GART: variants seen among roughly 807,000 people sequenced by gnomAD.
The protein encoded by GART is phosphoribosylglycinamide formyltransferase, phosphoribosylglycinamide synthetase, phosphoribosylaminoimidazole synthetase, also known as trifunctional purine biosynthetic protein adenosine-3.
GART carries 43 observed loss-of-function variants against 107.2 expected under a neutral mutation model. The ratio of observed to expected loss-of-function variants is 0.40; its 90% CI spans 0.31 to 0.52. The LOEUF (loss-of-function observed/expected upper bound fraction) is 0.52. GART is among the 20% of genes least tolerant of loss of function. The pLI, the probability that GART is intolerant of heterozygous loss-of-function variation, is 0.52. For missense variants in GART, 1,107 were observed against 1,206.5 expected, an observed-to-expected ratio of 0.92 and a Z score of 1.22; for synonymous variants, 434 against 427.0, an observed-to-expected ratio of 1.02 and a Z score of -0.20.
At chr21:33,508,353 G>A (rs562945689) in intron 18 of GART, among the ~76,000 whole-genome samples, 13 of 152,014 alleles carry the variant, frequency 8.6e-5, no homozygotes, top group Non-Finnish European at 1.5e-4. Flanking sequence ...TTTAGATTCG[G>A]GGGTACACAC....
intron 20 of GART, among the ~76,000 whole-genome samples, chr21:33,505,163 G>A (rs2084656801): frequency 6.6e-6 from 1 of 152,198 alleles, no homozygotes; most frequent in Non-Finnish European, 1.5e-5. Flanking sequence ...TGCTTCCTAA[G>A]AGAGGATGGA....
At chr21:33,521,150 G>C in intron 12 of GART, 135 bp from the exon 13 acceptor site, 1 of 644,076 alleles carries the variant, frequency 1.6e-6, no homozygotes, top group Non-Finnish European at 2.7e-6. Context: ...TAGATGATTG[G>C]AACAGCTGTT....
At chr21:33,506,529 T>A (rs771161986) in intron 18 of GART, among the ~76,000 whole-genome samples, 1 of 152,156 alleles carries the variant, frequency 6.6e-6, no homozygotes, top group Non-Finnish European at 1.5e-5. Context: ...ACTGGTGATA[T>A]GTGAGGCTTC....
At chr21:33,516,333 G>T (rs1237865435) in intron 16 of GART, among the ~76,000 whole-genome samples, 1 of 151,442 alleles carries the variant, frequency 6.6e-6, no homozygotes, top group Non-Finnish European at 1.5e-5. Flanking sequence ...CACTACTTTG[G>T]ACTGTTCTTT....
chr21:33,530,755 G>A lies in GART; in HGVS notation c.723+4C>T, dbSNP rs771884204. The A allele has an allele frequency of 1.3e-5, 19 of 1,455,278 alleles. No homozygotes were observed. The highest frequency in any genetic ancestry group is 1.6e-5 in the Non-Finnish European group (18 of 1,104,168). 90.1% of individuals were successfully genotyped at this position (1,455,278 alleles called of 1,614,324 possible). A position where few individuals can be genotyped will look rare whatever the true frequency, so the allele number is the denominator to read the frequency against. ...AAGACTTCAGCAGAGTCTTCGGGAA[G>A]TACCTGAGGGGCTGGACAATAGGCT... On this transcript the variant is annotated splice_donor_region_variant and intron_variant, in intron 7 of 21. Coordinates refer to ENST00000381815, the MANE Select transcript of GART (RefSeq NM_000819.5).
At chr21:33,514,475 GT>G (rs2084842676) in intron 16 of GART, among the ~76,000 whole-genome samples, 1 of 152,118 alleles carries the variant, frequency 6.6e-6, no homozygotes, top group Admixed American at 6.6e-5. Flanking sequence ...CTACTATGTT[GT>G]TTTTAACTAG....
rs1302397112 is a variant in GART at position 33,532,148 on chromosome 21, C to T, written c.528+197G>A. ...TGTTACAATTTACTTCAAAATAATA[C>T]AATCATGGTTTAATTTACAGTGTAA... On this transcript the variant is annotated intron_variant, in intron 5 of 21. Coordinates refer to ENST00000381815, the MANE Select transcript of GART (RefSeq NM_000819.5). 5.6e-6 allele frequency: 3 copies of T among 537,248 alleles called. No individual in the cohort carries two copies. In the East Asian group the frequency reaches 9.5e-5, roughly 17 times the overall value. 33.3% of individuals were successfully genotyped at this position (537,248 alleles called of 1,614,324 possible). A position where few individuals can be genotyped will look rare whatever the true frequency, so the allele number is the denominator to read the frequency against.
chr21:33,540,998 C>A (rs1003266394), intron 1 of GART, among the ~76,000 whole-genome samples: 44 of 149,278 alleles, frequency 2.9e-4, no homozygotes, highest in African/African-American at 1.1e-3. Flanking sequence ...ATTCTCTCAA[C>A]AAGTGAAACG....
chr21:33,504,082 A>G lies in GART; in HGVS notation c.*42T>C, dbSNP rs1319839572. 1.3e-6 allele frequency: 2 copies of G among 1,536,990 alleles called. No individual in the cohort carries two copies. The highest frequency in any genetic ancestry group is 1.4e-5 in the African/African-American group (1 of 72,212). The stretch of plus-strand genomic sequence containing the variant: ...TAAAAAACCACCATGCAAACAGCAA[A>G]TAATTCTTTCTAAACTGGCCCCATT... On this transcript the variant is annotated 3_prime_UTR_variant, in exon 22 of 22. Coordinates refer to ENST00000381815, the MANE Select transcript of GART (RefSeq NM_000819.5).
chr21:33,532,865 T>C (rs147295308), intron 4 of GART, among the ~76,000 whole-genome samples: 240 of 152,184 alleles, frequency 1.6e-3, no homozygotes, highest in Middle Eastern at 6.8e-3. Context: ...AATTATCAAG[T>C]GGGCCTGGGG....
intron 2 of GART, among the ~76,000 whole-genome samples, chr21:33,536,308 T>A (rs1040364528): frequency 6.6e-6 from 1 of 152,052 alleles, no homozygotes; most frequent in Admixed American, 6.6e-5. Flanking sequence ...TTCTGTGGAG[T>A]TCTAAGTAAC....
Position 33,522,205 on chromosome 21 carries a change from T to A in GART, c.1376A>T (p.Lys459Ile). The change falls in exon 12 of 22, where the codon AAA (lysine) becomes ATA (isoleucine). Residue 459 changes from lysine to isoleucine, a missense_variant. Transcript: ENST00000381815. ...TCACTGACCTGATCTGGAAGTGGCT[T>A]TTGCTAAAGGCTGAATTTTCTTGAC... ...MLVKKIQPLA[K>I]ATSRSGCKVD... The A allele has an allele frequency of 6.2e-7, 1 of 1,613,770 alleles. No individual in the cohort carries two copies. The highest frequency in any genetic ancestry group is 8.5e-7 in the Non-Finnish European group (1 of 1,179,764).
chr21:33,532,848 C>T (rs1364422452), intron 4 of GART, among the ~76,000 whole-genome samples: 1 of 152,106 alleles, frequency 6.6e-6, no homozygotes, highest in Non-Finnish European at 1.5e-5. Context: ...TGGGAGTACA[C>T]ATATGAAATT....
Position 33,517,351 on chromosome 21 carries a change from G to A in GART, c.1954+6C>T. 1.9e-6 allele frequency: 3 copies of A among 1,614,034 alleles called. No individual in the cohort carries two copies. The highest frequency in any genetic ancestry group is 1.1e-5 in the South Asian group (1 of 91,078). ...AGCAGGACAGTTTAAACATGAGGGA[G>A]TTTACCTAAAGTCTGGTCACCACAA... is the stretch of plus-strand genomic sequence containing the variant. On this transcript the variant is annotated splice_donor_region_variant and intron_variant, in intron 15 of 21. Coordinates refer to ENST00000381815, the MANE Select transcript of GART (RefSeq NM_000819.5).
At chr21:33,509,259 A>G (rs1601173443) in intron 18 of GART, 1 of 152,646 alleles carries the variant, frequency 6.6e-6, no homozygotes, top group African/African-American at 2.4e-5. Context: ...GACTGTCTCA[A>G]AAAGAATCAC....
At position 33,520,352 on chromosome 21, in the gene GART, G is replaced by A; in HGVS notation, c.1702+12C>T. 1 of 1,611,310 alleles carries A rather than the reference G, an allele frequency of 6.2e-7. No homozygotes were observed. ...AGAATGACATGTTATTGATTAAAAT[G>A]GCTGATCATACCAAGGAGAGCACAT... is the stretch of plus-strand genomic sequence containing the variant. On this transcript the variant is annotated intron_variant, in intron 14 of 21. Transcript: ENST00000381815.
chr21:33,528,438 T>G, intron 9 of GART, 81 bp downstream of exon 9: 1 of 1,539,572 alleles, frequency 6.5e-7, no homozygotes, highest in East Asian at 2.3e-5. Flanking sequence ...TTCCCAAAGG[T>G]AATTACTTCC....
At chr21:33,539,919 C>T (rs2085379724) in intron 1 of GART, among the ~76,000 whole-genome samples, 1 of 152,194 alleles carries the variant, frequency 6.6e-6, no homozygotes, top group African/African-American at 2.4e-5. Flanking sequence ...ATGTGATAAT[C>T]TCCCTTCTCT....
At chr21:33,534,820 A>G in intron 3 of GART, 67 bp from the exon 4 acceptor site, 4 of 1,376,508 alleles carry the variant, frequency 2.9e-6, no homozygotes, top group Non-Finnish European at 3.9e-6. Context: ...CCTGAAGACG[A>G]ATTAGTATCA....
Sources: allele counts gnomAD v4.1 joint callset (sites outside exome capture counted in the v4.1 genomes callset), GRCh38; gene constraint gnomAD v4.1.1; transcripts MANE v1.5; gene names NCBI Gene and HGNC (gene_info 2026-07-23, HGNC 2026-07-21).